Variants in SLIT3 observed in about 807,000 individuals in gnomAD.
The protein encoded by SLIT3 is slit guidance ligand 3, also known as slit homolog 3 protein.
A neutral mutation model predicts 184.0 loss-of-function variants in SLIT3; 68 were observed. The observed-to-expected ratio is 0.37, with a 90% CI of 0.30 to 0.45. The LOEUF (loss-of-function observed/expected upper bound fraction) is 0.45, where lower values mean the gene tolerates loss of function less well. Among genes scored for constraint, SLIT3 ranks in the 20% least tolerant of loss-of-function variants. The pLI, the probability that SLIT3 is intolerant of heterozygous loss-of-function variation, is 1.00. For synonymous variants in SLIT3, 831 were observed against 828.6 expected (o/e 1.00, Z -0.05); for missense variants, 1,707 against 2,026.0 (o/e 0.84, Z 3.02).
intron 4 of SLIT3, among the ~76,000 whole-genome samples, chr5:168,952,206 T>G (rs535805335): frequency 5.3e-5 from 8 of 152,328 alleles, no homozygotes; most frequent in African/African-American, 1.4e-4. Flanking sequence ...CCAATAAACT[T>G]GGGAGAAGAC....
intron 4 of SLIT3, among the ~76,000 whole-genome samples, chr5:169,006,311 A>C (rs1755925940): frequency 6.6e-6 from 1 of 152,176 alleles, no homozygotes. Flanking sequence ...TAGCTTCTTC[A>C]CCTAAGAGAT....
chr5:169,244,380 C>T (rs1765509477), intron 3 of SLIT3, among the ~76,000 whole-genome samples: 1 of 152,198 alleles, frequency 6.6e-6, no homozygotes, highest in Non-Finnish European at 1.5e-5. Context: ...GCAGACTTCC[C>T]TCCTCCGTGG....
intron 5 of SLIT3, among the ~76,000 whole-genome samples, chr5:168,871,798 T>C (rs1369401580): frequency 6.6e-6 from 1 of 152,176 alleles, no homozygotes; most frequent in East Asian, 1.9e-4. Flanking sequence ...TTATATTATT[T>C]CCACTTAACA....
chr5:169,185,821 G>A (rs1325567946), intron 4 of SLIT3, among the ~76,000 whole-genome samples: 1 of 152,128 alleles, frequency 6.6e-6, no homozygotes, highest in Non-Finnish European at 1.5e-5. Context: ...ACTTTAGTTA[G>A]TAACTTCTCC....
intron 3 of SLIT3, among the ~76,000 whole-genome samples, chr5:169,229,642 T>TTCTCTCTCTCTCTCTCTCTCTCTC (rs60056409): frequency 5.5e-4 from 81 of 148,314 alleles, no homozygotes; most frequent in African/African-American, 2.0e-3. Flanking sequence ...AAATAAATTC[T>TTCTCTCTCTCTCTCTCTCTCTCTC]TCTCTCTCTC....
intron 4 of SLIT3, among the ~76,000 whole-genome samples, chr5:169,097,446 G>A (rs985000141): frequency 6.6e-6 from 1 of 152,028 alleles, no homozygotes; most frequent in East Asian, 1.9e-4. Context: ...GAAGAGAAAA[G>A]GGAAGAAGGA....
rs1261962710 is a variant in SLIT3, at chr5:168,772,856, C to A, written c.1384G>T (p.Ala462Ser). ...AGTCGGCGCGGGCTGCTGCAGCGGGCCCCGCTTGTCTCGATGGGGTTGTCC... is the reference window on the plus strand; with the variant it reads ...AGTCGGCGCGGGCTGCTGCAGCGGGACCCGCTTGTCTCGATGGGGTTGTCC... ...LQDNPIETSGARCSSPRRLAN... is the reference protein window; with the variant it reads ...LQDNPIETSGSRCSSPRRLAN... The change falls in exon 14 of 36, where the codon GCC becomes TCC. Residue 462 changes from alanine (A) to serine (S), a missense_variant. Physicochemically the swap from Ala to Ser is moderately conservative, Grantham distance 99. Coordinates refer to ENST00000519560, the MANE Select transcript of SLIT3 (RefSeq NM_003062.4). 1.9e-6 allele frequency: 3 copies of A among 1,614,084 alleles called. No individual in the cohort carries two copies. The highest frequency in any genetic ancestry group is 3.3e-5 in the Admixed American group (2 of 60,014).
intron 2 of SLIT3, among the ~76,000 whole-genome samples, chr5:169,248,435 C>T (rs1765670045): frequency 6.6e-6 from 1 of 152,098 alleles, no homozygotes; most frequent in Admixed American, 6.5e-5. Context: ...AATGAATGAG[C>T]TAAGACCCTC....
chr5:169,220,373 A>G (rs776640208), intron 3 of SLIT3, among the ~76,000 whole-genome samples: 5 of 152,154 alleles, frequency 3.3e-5, no homozygotes, highest in Admixed American at 6.5e-5. Context: ...TGTAAGGAAA[A>G]TTCTCAAATG....
At chr5:168,746,912 T>G (rs1754481733) in intron 20 of SLIT3, among the ~76,000 whole-genome samples, 9 of 78,352 alleles carry the variant, frequency 1.1e-4, no homozygotes, top group Admixed American at 1.5e-4. Context: ...GTGAGTGTGG[T>G]GGTGTGGGTG....
At chr5:169,277,958 T>A (rs1435023239) in intron 1 of SLIT3, among the ~76,000 whole-genome samples, 2 of 152,246 alleles carry the variant, frequency 1.3e-5, no homozygotes, top group East Asian at 3.8e-4. Flanking sequence ...TCACAGTAGG[T>A]GTGATGAGCC....
At chr5:169,203,830 A>G (rs1051028211) in intron 3 of SLIT3, among the ~76,000 whole-genome samples, 6 of 152,016 alleles carry the variant, frequency 3.9e-5, no homozygotes, top group Non-Finnish European at 7.4e-5. Flanking sequence ...AAACTTTGGA[A>G]CTACTGTTAG....
chr5:168,917,692 A>T (rs935312969), intron 4 of SLIT3, among the ~76,000 whole-genome samples: 21 of 152,154 alleles, frequency 1.4e-4, no homozygotes, highest in African/African-American at 5.1e-4. Flanking sequence ...TATTGCTTTT[A>T]TGTCCATATT....
At chr5:169,259,403 C>A (rs1766086820) in intron 1 of SLIT3, among the ~76,000 whole-genome samples, 4 of 152,204 alleles carry the variant, frequency 2.6e-5, no homozygotes, top group Admixed American at 2.6e-4. Flanking sequence ...TAATTTTTCA[C>A]CCACGGGCTA....
At chr5:169,163,583 CT>C (rs1460855898) in intron 4 of SLIT3, among the ~76,000 whole-genome samples, 3 of 152,108 alleles carry the variant, frequency 2.0e-5, no homozygotes, top group Non-Finnish European at 2.9e-5. Flanking sequence ...CAAAATGCAA[CT>C]TATATGTGTG....
At chr5:168,991,402 G>A (rs1755322427) in intron 4 of SLIT3, among the ~76,000 whole-genome samples, 1 of 152,236 alleles carries the variant, frequency 6.6e-6, no homozygotes, top group African/African-American at 2.4e-5. Flanking sequence ...CTGCCTGGCT[G>A]GGAAGCAGGT....
chr5:169,127,672 T>C (rs1761132622), intron 4 of SLIT3, among the ~76,000 whole-genome samples: 1 of 152,226 alleles, frequency 6.6e-6, no homozygotes, highest in Admixed American at 6.5e-5. Context: ...TGGTCTCTTA[T>C]CTTTAGCATC....
chr5:169,128,997 A>C (rs567238221), intron 4 of SLIT3, among the ~76,000 whole-genome samples: 6 of 152,284 alleles, frequency 3.9e-5, no homozygotes, highest in African/African-American at 1.4e-4. Context: ...AGGAGCCAGC[A>C]GCATCAAACT....
intron 20 of SLIT3, among the ~76,000 whole-genome samples, chr5:168,735,385 A>G (rs765704514): frequency 1.8e-4 from 27 of 152,092 alleles, no homozygotes; most frequent in Non-Finnish European, 3.2e-4. Flanking sequence ...AATTTCCACT[A>G]GAGTCCTGGA....
Sources: allele counts gnomAD v4.1 joint callset (sites outside exome capture counted in the v4.1 genomes callset), GRCh38; gene constraint gnomAD v4.1.1; transcripts MANE v1.5; gene names NCBI Gene and HGNC (gene_info 2026-07-23, HGNC 2026-07-21).